UGP2: variants seen among roughly 807,000 people sequenced by gnomAD.
UGP2 encodes the protein UTP--glucose-1-phosphate uridylyltransferase.
A neutral mutation model predicts 49.0 loss-of-function variants in UGP2; 40 were observed. The observed-to-expected ratio is 0.82, with a 90% CI of 0.63 to 1.06. The LOEUF (loss-of-function observed/expected upper bound fraction) is 1.06. Among genes scored for constraint, UGP2 ranks in the 50% least tolerant of loss-of-function variants. The pLI is 0.00. For missense variants in UGP2, 460 were observed against 603.5 expected, an observed-to-expected ratio of 0.76 and a Z score of 2.49; for synonymous variants, 225 against 213.0, an observed-to-expected ratio of 1.06 and a Z score of -0.49.
intron 8 of UGP2, chr2:63,889,023 T>A (rs1671886380): frequency 1.3e-5 from 2 of 151,924 alleles, no homozygotes; most frequent in Admixed American, 6.5e-5. Flanking sequence ...AGAATGCAGA[T>A]GGGGAATTAG....
intron 8 of UGP2, chr2:63,888,634 C>T (rs909586060): frequency 2.0e-5 from 3 of 152,310 alleles, no homozygotes; most frequent in East Asian, 1.9e-4. Flanking sequence ...CACATATCCA[C>T]ACTCATACTG....
At chr2:63,855,443 T>C in intron 1 of UGP2, 1 of 476,054 alleles carries the variant, frequency 2.1e-6, no homozygotes, top group Non-Finnish European at 4.2e-6. Flanking sequence ...AGATGATTAC[T>C]TTCTAGATAA....
chr2:63,865,773 G>A (rs948779990), intron 3 of UGP2, among the ~76,000 whole-genome samples: 2 of 151,982 alleles, frequency 1.3e-5, no homozygotes, highest in Middle Eastern at 3.2e-3. Flanking sequence ...GGGCTCAAGC[G>A]ATTCTCCTAC....
At chr2:63,886,881 A>C (rs992423580) in intron 7 of UGP2, among the ~76,000 whole-genome samples, 7 of 152,158 alleles carry the variant, frequency 4.6e-5, no homozygotes, top group Admixed American at 3.3e-4. Flanking sequence ...TTTATCATGA[A>C]ATGATATTAC....
intron 3 of UGP2, among the ~76,000 whole-genome samples, chr2:63,860,857 A>C (rs569173770): frequency 9.3e-5 from 14 of 150,060 alleles, no homozygotes; most frequent in African/African-American, 3.2e-4. Context: ...TCCTGCCTTA[A>C]CCACTTTTTA....
chr2:63,890,860 C>CT (rs34029349), intron 9 of UGP2, among the ~76,000 whole-genome samples: 27,174 of 152,134 alleles, frequency 0.18, 2,561 homozygotes, highest in Middle Eastern at 0.26. Flanking sequence ...GCTGGCCATG[C>CT]TGTGGCACCG....
intron 5 of UGP2, 62 bp downstream of exon 5, chr2:63,884,155 G>C (rs899613737): frequency 5.7e-6 from 9 of 1,581,404 alleles, no homozygotes; most frequent in Non-Finnish European, 7.7e-6. Flanking sequence ...TCTTTATCTT[G>C]TTTATAACAG....
At chr2:63,874,657 C>T (rs1170595498) in intron 3 of UGP2, among the ~76,000 whole-genome samples, 2 of 152,086 alleles carry the variant, frequency 1.3e-5, no homozygotes, top group African/African-American at 4.8e-5. Context: ...GATTTAGCAA[C>T]TTAGCAGAGT....
intron 3 of UGP2, among the ~76,000 whole-genome samples, chr2:63,879,026 T>C (rs999771003): frequency 6.6e-6 from 1 of 151,594 alleles, no homozygotes; most frequent in African/African-American, 2.4e-5. Flanking sequence ...AAAAAGTTCC[T>C]GTTAGTACTT....
chr2:63,889,363 T>C (rs1041829183), intron 8 of UGP2: 1 of 151,706 alleles, frequency 6.6e-6, no homozygotes, highest in Admixed American at 6.6e-5. Flanking sequence ...GAAAAAAGAC[T>C]GAAGAGGGAG....
intron 1 of UGP2, among the ~76,000 whole-genome samples, chr2:63,846,343 TA>T: frequency 6.6e-6 from 1 of 152,324 alleles, no homozygotes; most frequent in Non-Finnish European, 1.5e-5. Flanking sequence ...GTAATCACTC[TA>T]AATGTTTTGA....
chr2:63,845,812 CCTT>C (rs1412404467), intron 1 of UGP2, among the ~76,000 whole-genome samples: 1 of 152,164 alleles, frequency 6.6e-6, no homozygotes, highest in African/African-American at 2.4e-5. Flanking sequence ...GCTTGTATCT[CCTT>C]CTCCAAATCC....
At chr2:63,856,274 T>A in intron 1 of UGP2, 32 bp from the exon 2 acceptor site, 1 of 1,602,498 alleles carries the variant, frequency 6.2e-7, no homozygotes, top group Non-Finnish European at 8.5e-7. Flanking sequence ...TCCTGGAGTT[T>A]TCAGTTGGTG....
chr2:63,842,561 G>A (rs955755560), intron 1 of UGP2: 1 of 1,508,664 alleles, frequency 6.6e-7, no homozygotes, highest in Non-Finnish European at 8.9e-7. Flanking sequence ...GCACGCAGAC[G>A]GGAAGGGCTG....
In UGP2 at chr2:63,886,556, C is replaced by T. The variant is rs1198307959; in HGVS notation, c.1071+18C>T. The T allele has an allele frequency of 3.1e-6, 5 of 1,612,994 alleles. No homozygotes were observed. Among genetic ancestry groups the T allele is most frequent in the Non-Finnish European group, 4.2e-6 (5 of 1,179,770 alleles). On this transcript the variant is annotated intron_variant, in intron 7 of 9. Transcript: ENST00000337130. ...ATGCAAAGGTAAGCCAAGGTTGTGG[C>T]CCATTGAGCTTCCTGGTTCCTAAGG...
intron 1 of UGP2, chr2:63,842,664 C>G: frequency 7.3e-7 from 1 of 1,367,134 alleles, no homozygotes; most frequent in East Asian, 2.6e-5. Context: ...TTTGTGTGTA[C>G]GTGGTTTGCG....
At chr2:63,857,694 C>G (rs1003422644) in intron 2 of UGP2, 135 bp from the exon 3 acceptor site, 5 of 924,842 alleles carry the variant, frequency 5.4e-6, no homozygotes, top group Non-Finnish European at 8.4e-6. Context: ...GTGAAAAAGT[C>G]TTGCTCCCTC....
At position 63,879,864 on chromosome 2, in the gene UGP2, CAT is replaced by C. The variant is rs541903561; in HGVS notation, c.256-2600_256-2599del. Among the ~76,000 whole-genome samples the C allele has an allele frequency of 1.2e-3, 176 of 152,116 alleles. 1 individual carries two copies. The highest frequency in any genetic ancestry group is 2.2e-3 in the Non-Finnish European group (150 of 67,970). ...CTCTTTTTTTAAAGTGTAGTCAAAA[CAT>C]AAATAGGTAAGACTGTCTCTGAACT... On this transcript the variant is annotated intron_variant, in intron 3 of 9. Transcript: ENST00000337130.
In UGP2 at chr2:63,865,921, G is replaced by A. The variant is rs2104306204; in HGVS notation, c.255+7985G>A. 2.0e-5 allele frequency among the ~76,000 whole-genome samples: 3 copies of A among 152,208 alleles called. 1 individual carries two copies. Among genetic ancestry groups the A allele is most frequent in the Admixed American group, 2.0e-4 (3 of 15,282 alleles). ...GTCAGTTGTGCTTGTTCTCAAATGT[G>A]TTCATGCTAGTTATCTTGGTTATAA... is the stretch of plus-strand genomic sequence containing the variant. On this transcript the variant is annotated intron_variant, in intron 3 of 9. Coordinates refer to ENST00000337130, the MANE Select transcript of UGP2 (RefSeq NM_006759.4).
Sources: allele counts gnomAD v4.1 joint callset (sites outside exome capture counted in the v4.1 genomes callset), GRCh38; gene constraint gnomAD v4.1.1; transcripts MANE v1.5; gene names NCBI Gene and HGNC (gene_info 2026-07-23, HGNC 2026-07-21).